DLGAP2: variants seen among roughly 807,000 people sequenced by gnomAD.
The protein encoded by DLGAP2 is DLG associated protein 2.
DLGAP2 carries 26 observed loss-of-function variants against 100.3 expected under a neutral mutation model. The observed-to-expected ratio is 0.26, with a 90% CI of 0.19 to 0.36. The LOEUF (loss-of-function observed/expected upper bound fraction) is 0.36. Among genes scored for constraint, DLGAP2 ranks in the 10% least tolerant of loss-of-function variants. DLGAP2 has a pLI of 1.00. For missense variants in DLGAP2, 1,858 were observed against 1,453.2 expected (o/e 1.28, Z -4.53); for synonymous variants, 886 against 630.1 (o/e 1.41, Z -6.08).
In DLGAP2 at chr8:881,666, A is replaced by ATGTATATATATATATATATATATATAT; in HGVS notation, c.19-26246_19-26245insTGTATATATATATATATATATATATAT. ...AGGCGCACGCCACCACTTGTGGCTG[A>ATGTATATATATATATATATATATATAT]ACACACACACACACACTTTTTTTTT... On this transcript the variant is annotated intron_variant, in intron 1 of 14. Coordinates refer to ENST00000637795, the MANE Select transcript of DLGAP2 (RefSeq NM_001346810.2). Among the ~76,000 whole-genome samples, 140 of 130,904 alleles carry ATGTATATATATATATATATATATATAT rather than the reference A, an allele frequency of 1.1e-3. 1 individual carries two copies. Among genetic ancestry groups the ATGTATATATATATATATATATATATAT allele is most frequent in the African/African-American group, 1.7e-3 (62 of 36,754 alleles). The allele number at this position is 130,904 out of a possible 152,430, so 85.9% of individuals were successfully genotyped here. A position where few individuals can be genotyped will look rare whatever the true frequency, so the allele number is the denominator to read the frequency against.
chr8:800,628 ATG>A (rs2132653829), intron 1 of DLGAP2, among the ~76,000 whole-genome samples: 1 of 152,074 alleles, frequency 6.6e-6, no homozygotes, highest in African/African-American at 2.4e-5. Flanking sequence ...GTATGTTTAT[ATG>A]TGTGTGCATG....
At chr8:1,679,698 C>G (rs1266307242) in intron 12 of DLGAP2, among the ~76,000 whole-genome samples, 1 of 152,180 alleles carries the variant, frequency 6.6e-6, no homozygotes, top group Non-Finnish European at 1.5e-5. Flanking sequence ...CAAGACCGTT[C>G]AGGCCAGGCA....
chr8:1,088,768 C>T (rs1804064108), intron 2 of DLGAP2, among the ~76,000 whole-genome samples: 1 of 135,106 alleles, frequency 7.4e-6, no homozygotes, highest in Non-Finnish European at 1.6e-5. Flanking sequence ...ACCCCTCATC[C>T]AGCAGGCTAT....
At chr8:1,101,049 G>A (rs1804561412) in intron 2 of DLGAP2, among the ~76,000 whole-genome samples, 1 of 152,194 alleles carries the variant, frequency 6.6e-6, no homozygotes, top group South Asian at 2.1e-4. Context: ...TGGGGTTCCT[G>A]GCGTTCACAA....
intron 3 of DLGAP2, among the ~76,000 whole-genome samples, chr8:1,482,192 G>A (rs988301738): frequency 6.6e-6 from 1 of 152,208 alleles, no homozygotes; most frequent in Non-Finnish European, 1.5e-5. Flanking sequence ...AGAACGTGTG[G>A]GTTTTAAGGA....
intron 5 of DLGAP2, among the ~76,000 whole-genome samples, chr8:1,554,585 G>A (rs1019727900): frequency 6.6e-6 from 1 of 152,082 alleles, no homozygotes; most frequent in Non-Finnish European, 1.5e-5. Context: ...CTGAGCCCGG[G>A]TCCTGTCTTT....
intron 14 of DLGAP2, among the ~76,000 whole-genome samples, chr8:1,697,552 T>C (rs1799433483): frequency 6.6e-6 from 1 of 152,230 alleles, no homozygotes; most frequent in Non-Finnish European, 1.5e-5. Context: ...GCTCTGTCTC[T>C]TCTATATAAG....
intron 3 of DLGAP2, among the ~76,000 whole-genome samples, chr8:1,357,361 C>A (rs896192459): frequency 6.6e-6 from 1 of 151,804 alleles, no homozygotes; most frequent in Non-Finnish European, 1.5e-5. Context: ...TCACCTAAAC[C>A]AGATACAACC....
intron 2 of DLGAP2, among the ~76,000 whole-genome samples, chr8:1,202,346 G>C (rs1797897854): frequency 6.6e-6 from 1 of 151,908 alleles, no homozygotes; most frequent in Non-Finnish European, 1.5e-5. Context: ...GCCAGGGGCA[G>C]GCACGGCTCC....
chr8:994,257 G>A (rs754192591), intron 2 of DLGAP2, among the ~76,000 whole-genome samples: 1 of 152,142 alleles, frequency 6.6e-6, no homozygotes, highest in Admixed American at 6.5e-5. Flanking sequence ...CTGGAGTGCA[G>A]TGGCGCGATC....
chr8:1,461,036 C>T (rs1053393444), intron 3 of DLGAP2, among the ~76,000 whole-genome samples: 3 of 151,978 alleles, frequency 2.0e-5, no homozygotes, highest in Admixed American at 2.0e-4. Context: ...TGGGCACAGT[C>T]GCTGATTCAG....
intron 1 of DLGAP2, among the ~76,000 whole-genome samples, chr8:843,602 C>A (rs1247665871): frequency 1.3e-5 from 2 of 152,240 alleles, no homozygotes; most frequent in African/African-American, 4.8e-5. Flanking sequence ...GGGGCACTTC[C>A]CCGTATTTTG....
At chr8:1,263,833 C>A (rs964096640) in intron 3 of DLGAP2, among the ~76,000 whole-genome samples, 3 of 152,130 alleles carry the variant, frequency 2.0e-5, no homozygotes, top group Non-Finnish European at 4.4e-5. Context: ...GAGACCACAG[C>A]TCTTTAATTG....
intron 1 of DLGAP2, among the ~76,000 whole-genome samples, chr8:849,390 A>G (rs1375429946): frequency 1.3e-5 from 2 of 152,242 alleles, no homozygotes; most frequent in Non-Finnish European, 2.9e-5. Flanking sequence ...GCAGTGATGA[A>G]TGAACTACTG....
chr8:1,448,469 T>C (rs1323574334), intron 3 of DLGAP2, among the ~76,000 whole-genome samples: 2 of 152,226 alleles, frequency 1.3e-5, no homozygotes, highest in Non-Finnish European at 2.9e-5. Flanking sequence ...TTATAATTTC[T>C]GTTCTTTTAC....
At chr8:1,626,357 C>T (rs1315336103) in intron 6 of DLGAP2, among the ~76,000 whole-genome samples, 11 of 89,768 alleles carry the variant, frequency 1.2e-4, no homozygotes, top group African/African-American at 4.5e-4. Context: ...CTCTACCCTG[C>T]AGCAGGTGCT....
chr8:1,004,661 C>T (rs181927909), intron 2 of DLGAP2, among the ~76,000 whole-genome samples: 147 of 152,214 alleles, frequency 9.7e-4, no homozygotes, highest in Non-Finnish European at 1.7e-3. Context: ...GAAGTGGTTA[C>T]CAACTTAATT....
At chr8:1,535,245 C>A (rs1801119245) in intron 4 of DLGAP2, among the ~76,000 whole-genome samples, 1 of 152,218 alleles carries the variant, frequency 6.6e-6, no homozygotes, top group Admixed American at 6.5e-5. Flanking sequence ...CAGCCTCAGC[C>A]CTGGACAGCT....
intron 1 of DLGAP2, among the ~76,000 whole-genome samples, chr8:875,160 A>G (rs1179891672): frequency 1.3e-5 from 2 of 152,312 alleles, no homozygotes; most frequent in East Asian, 1.9e-4. Flanking sequence ...TATCTCCACT[A>G]GGCAGGGTAG....
Sources: gnomAD v4.1 joint callset for allele counts (sites outside exome capture counted in the v4.1 genomes callset) on GRCh38, gnomAD v4.1.1 for gene constraint, MANE v1.5 for transcripts, NCBI Gene and HGNC (gene_info 2026-07-23, HGNC 2026-07-21) for gene names.